Variants in HOXC5 observed in about 807,000 individuals in gnomAD.
The protein encoded by HOXC5 is homeobox protein Hox-C5.
Under a neutral mutation model 20.1 loss-of-function variants are expected in HOXC5, and 19 were observed. The observed-to-expected ratio is 0.94, with a 90% CI of 0.66 to 1.38. The LOEUF is 1.38. Among genes scored for constraint, HOXC5 ranks in the 40% most tolerant of loss-of-function variants. The probability of loss-of-function intolerance (pLI) is 0.00; values close to 1 mark genes in which losing one functional copy is unlikely to be tolerated. For missense variants in HOXC5, 330 were observed against 300.1 expected (o/e 1.10, Z -0.74); for synonymous variants, 124 against 117.0 (o/e 1.06, Z -0.39).
At chr12:54,024,448 G>A in the HOXC5 span, among the ~76,000 whole-genome samples, 2 of 152,196 alleles carry the variant, frequency 1.3e-5, no homozygotes, top group South Asian at 2.1e-4. Flanking sequence ...AAACATCCGC[G>A]CAGAGTTAGG....
chr12:54,031,244 G>A (rs185926586), upstream of HOXC5, among the ~76,000 whole-genome samples: 7 of 152,342 alleles, frequency 4.6e-5, no homozygotes, highest in East Asian at 1.4e-3. Flanking sequence ...CCGGGAGTTG[G>A]AGGCGGGGGG....
rs749176469 is a variant in HOXC5 at position 54,034,396 on chromosome 12, C to T, written c.573C>T (p.Asn191=). ...TRRRRIEIAN[N]LCLNERQIKI... ...GCAGGCGCATAGAGATCGCCAACAA[C>T]TTGTGTCTCAATGAGAGACAGATCA... Residue 191 remains asparagine, a synonymous_variant, in exon 2 of 2, where the codon AAC becomes AAT. Transcript: ENST00000312492. 1.9e-5 allele frequency: 30 copies of T among 1,614,078 alleles called. No homozygotes were observed. In the Admixed American group the frequency reaches 4.7e-4, roughly 25 times the overall value.
At chr12:54,034,123 G>A (rs1402674119) in intron 1 of HOXC5, 155 bp from the exon 2 acceptor site, 6 of 763,204 alleles carry the variant, frequency 7.9e-6, no homozygotes, top group African/African-American at 5.1e-5. Context: ...CCCGGGGCTG[G>A]GCTGGGCTGG....
rs1182861018 is a variant in HOXC5, at chr12:54,035,127, G to C, written c.*635G>C. ...AAACCCGGGAACCTCCCCAGCCTGC[G>C]CCTGCTGCATGCCCTCTCAGGCCGG... On this transcript the variant is annotated 3_prime_UTR_variant, in exon 2 of 2. Transcript: ENST00000312492. 1 of 154,122 alleles carries C rather than the reference G, an allele frequency of 6.5e-6. No homozygotes were observed. Among genetic ancestry groups the C allele is most frequent in the Non-Finnish European group, 1.4e-5 (1 of 69,248 alleles). The allele number at this position is 154,122 out of a possible 1,614,324, so 9.5% of individuals were successfully genotyped here.
At chr12:54,032,637 G>A (rs1418876471), upstream of HOXC5, among the ~76,000 whole-genome samples, 3 of 152,152 alleles carry the variant, frequency 2.0e-5, no homozygotes, top group African/African-American at 7.2e-5. Flanking sequence ...GAATTTAAAA[G>A]GCTAGCTCAG....
chr12:54,021,591 G>C, the HOXC5 span: 1 of 152,222 alleles, frequency 6.6e-6, no homozygotes, highest in African/African-American at 2.4e-5. Flanking sequence ...CTAGGTGATC[G>C]GGTTCCTCCC....
At chr12:54,023,635 C>T in the HOXC5 span, among the ~76,000 whole-genome samples, 2 of 152,128 alleles carry the variant, frequency 1.3e-5, no homozygotes, top group African/African-American at 4.8e-5. Context: ...CCTGCTGATC[C>T]CCAGCTCCCT....
chr12:54,033,027 G>A (rs1174239542), upstream of HOXC5: 33 of 934,798 alleles, frequency 3.5e-5, no homozygotes, highest in East Asian at 8.2e-4. Context: ...CCTATAAATT[G>A]TCCACTTTGG....
At chr12:54,019,229 G>C in the HOXC5 span, among the ~76,000 whole-genome samples, 1 of 148,778 alleles carries the variant, frequency 6.7e-6, no homozygotes, top group Non-Finnish European at 1.5e-5. Context: ...CTGACGAGGG[G>C]CTAATTTCGC....
rs1325079928 is a variant in HOXC5, at chr12:54,033,089, AAGGGTGC to A, written c.-31_-25del. On this transcript the variant is annotated 5_prime_UTR_variant, in exon 1 of 2. Transcript: ENST00000312492. ...GAGTCACAAATCACCCTTAATCAAA[AAGGGTGC>A]AGAAATTTTTTTGGGCCCTCCCCGC... 1.1e-5 allele frequency: 18 copies of A among 1,570,378 alleles called. No individual in the cohort carries two copies. The highest frequency in any genetic ancestry group is 1.6e-5 in the Non-Finnish European group (18 of 1,148,280).
At chr12:54,029,651 T>G (rs759457160), upstream of HOXC5, 17 of 1,610,468 alleles carry the variant, frequency 1.1e-5, no homozygotes, top group Non-Finnish European at 1.3e-5. Flanking sequence ...GCCCGGATCT[T>G]TAGGGGTCGG....
Position 54,034,383 on chromosome 12 carries a change from A to T in HOXC5, c.560A>T (p.Glu187Val). The T allele has an allele frequency of 6.2e-7, 1 of 1,614,168 alleles. No homozygotes were observed. The highest frequency in any genetic ancestry group is 2.2e-5 in the East Asian group (1 of 44,890). Residue 187 changes from glutamate to valine, a missense_variant, in exon 2 of 2, where the codon GAG becomes GTG. Transcript: ENST00000312492. ...TACCTCACTCGCCGCAGGCGCATAG[A>T]GATCGCCAACAACTTGTGTCTCAAT... ...NRYLTRRRRI[E>V]IANNLCLNER...
the HOXC5 span, among the ~76,000 whole-genome samples, chr12:54,023,790 A>AG: frequency 6.6e-6 from 1 of 152,094 alleles, no homozygotes. Flanking sequence ...CGGTGTGTGT[A>AG]GCGGGGGCAG....
chr12:54,022,362 G>C, the HOXC5 span: 1 of 152,130 alleles, frequency 6.6e-6, no homozygotes, highest in Non-Finnish European at 1.5e-5. Context: ...TTGCCCCTTT[G>C]CTAAAGATCC....
the HOXC5 span, among the ~76,000 whole-genome samples, chr12:54,026,969 G>GC: frequency 2.2e-5 from 3 of 137,760 alleles, no homozygotes; most frequent in African/African-American, 5.2e-5. Context: ...AATGGTGGGG[G>GC]GGGGGGGATA....
chr12:54,027,863 C>T, the HOXC5 span, among the ~76,000 whole-genome samples: 631 of 152,238 alleles, frequency 4.1e-3, 2 homozygotes, highest in Middle Eastern at 0.01. Flanking sequence ...ACTCTACTTA[C>T]TCAGGGGAAC....
At chr12:54,018,002 C>T in the HOXC5 span, among the ~76,000 whole-genome samples, 1 of 152,194 alleles carries the variant, frequency 6.6e-6, no homozygotes, top group Non-Finnish European at 1.5e-5. Flanking sequence ...CGCAGCTAGG[C>T]GGCCGGCGGG....
the HOXC5 span, among the ~76,000 whole-genome samples, chr12:54,026,485 T>G: frequency 2.0e-5 from 3 of 152,186 alleles, no homozygotes; most frequent in Non-Finnish European, 4.4e-5. Context: ...AATTTAAAAA[T>G]CCTCCTCTAC....
At chr12:54,033,670 T>C (rs1363359929) in intron 1 of HOXC5, 94 bp downstream of exon 1, 1 of 1,133,708 alleles carries the variant, frequency 8.8e-7, no homozygotes, top group Non-Finnish European at 1.2e-6. Context: ...CGGCCATAAA[T>C]TTTACGATCC....
Sources: gnomAD v4.1 joint callset for allele counts (sites outside exome capture counted in the v4.1 genomes callset) on GRCh38, gnomAD v4.1.1 for gene constraint, MANE v1.5 for transcripts, NCBI Gene and HGNC (gene_info 2026-07-23, HGNC 2026-07-21) for gene names.